The following SMC3 variants were observed in gnomAD, a reference collection of about 807,000 sequenced individuals.
The protein encoded by SMC3 is structural maintenance of chromosomes protein 3.
In SMC3, 20 loss-of-function variants were observed where a neutral mutation model predicts 171.8. The ratio of observed to expected loss-of-function variants is 0.12; its 90% CI spans 0.08 to 0.17. The LOEUF (loss-of-function observed/expected upper bound fraction) is 0.17, where lower values mean the gene tolerates loss of function less well. SMC3 is among the 10% of genes least tolerant of loss of function. SMC3 has a pLI of 1.00. For synonymous variants in SMC3, 464 were observed against 451.1 expected (o/e 1.03, Z -0.36); for missense variants, 543 against 1,420.4 (o/e 0.38, Z 9.93).
intron 13 of SMC3, among the ~76,000 whole-genome samples, chr10:110,585,461 T>G (rs1376816757): frequency 1.3e-5 from 2 of 151,422 alleles, no homozygotes; most frequent in Non-Finnish European, 2.9e-5. Context: ...GCTAATTTTT[T>G]TGTATTTTTA....
At chr10:110,600,840 T>G (rs934957999) in intron 22 of SMC3, among the ~76,000 whole-genome samples, 182 bp from the exon 23 acceptor site, 2 of 152,228 alleles carry the variant, frequency 1.3e-5, no homozygotes, top group African/African-American at 2.4e-5. Context: ...GTTAGATGCT[T>G]AGAAATTTTC....
At chr10:110,582,147 T>C (rs762467375) in intron 9 of SMC3, 49 bp downstream of exon 9, 2 of 1,506,842 alleles carry the variant, frequency 1.3e-6, no homozygotes, top group Non-Finnish European at 1.8e-6. Flanking sequence ...TTTGTTTTTA[T>C]GAATTTGTTA....
chr10:110,575,877 G>A (rs1856802), intron 4 of SMC3, among the ~76,000 whole-genome samples: 147,491 of 152,334 alleles, frequency 0.97, 71,458 homozygotes, highest in South Asian at 0.99. Flanking sequence ...AGAGTTTGAG[G>A]TTGCAGATTA....
At chr10:110,604,131 A>G (rs2134755596) in intron 28 of SMC3, 100 bp from the exon 29 acceptor site, 1 of 659,186 alleles carries the variant, frequency 1.5e-6, no homozygotes, top group South Asian at 1.8e-5. Flanking sequence ...AAAATTAAAA[A>G]ATGTAGTTAA....
At chr10:110,582,432 T>G (rs1374129391) in intron 9 of SMC3, 130 bp from the exon 10 acceptor site, 2 of 729,682 alleles carry the variant, frequency 2.7e-6, no homozygotes, top group African/African-American at 3.6e-5. Flanking sequence ...TAAAATCATT[T>G]TTAAAATTTT....
In SMC3 at chr10:110,589,877, C is replaced by G; in HGVS notation, c.1410-15C>G. The stretch of plus-strand genomic sequence containing the variant: ...TGTGTTTAAAATTAAAGACAGTCTA[C>G]TTTTTATTTATTAGCTACTTGTGGA... On this transcript the variant is annotated splice_polypyrimidine_tract_variant and intron_variant, in intron 14 of 28. Transcript: ENST00000361804. 1 of 1,609,750 alleles carries G rather than the reference C, an allele frequency of 6.2e-7. No homozygotes were observed. Among genetic ancestry groups the G allele is most frequent in the Non-Finnish European group, 8.5e-7 (1 of 1,176,200 alleles).
In SMC3 at chr10:110,598,263, G is replaced by T; in HGVS notation, c.2241G>T (p.Gln747His). 1 of 1,613,936 alleles carries T rather than the reference G, an allele frequency of 6.2e-7. No homozygotes were observed. Among genetic ancestry groups the T allele is most frequent in the Non-Finnish European group, 8.5e-7 (1 of 1,179,902 alleles). ...TGAAGATGCTAAAAGAGAAGAGGCA[G>T]CAGTCAGAGAAAACCTTCATGCCTA... ...SEMKMLKEKR[Q>H]QSEKTFMPKQ... The change falls in exon 20 of 29, where the codon CAG (glutamine) becomes CAT (histidine). Residue 747 changes from glutamine (Q) to histidine (H), a missense_variant. Physicochemically the swap from Gln to His is conservative, Grantham distance 24. Around this residue, in one of 8 missense-constraint regions of SMC3, gnomAD observed 218 missense variants for 509.6 expected, o/e 0.43. Transcript: ENST00000361804.
At chr10:110,599,902 AAAG>A in intron 21 of SMC3, 90 bp downstream of exon 21, 3 of 1,171,352 alleles carry the variant, frequency 2.6e-6, no homozygotes, top group Admixed American at 3.5e-5. Flanking sequence ...ATATGAAAGA[AAAG>A]AACTGAGAAA....
chr10:110,590,958 A>C (rs781091560), intron 16 of SMC3, 33 bp from the exon 17 acceptor site: 1 of 1,605,944 alleles, frequency 6.2e-7, no homozygotes, highest in Non-Finnish European at 8.5e-7. Flanking sequence ...CCTGAGTACC[A>C]ATAAAGATTT....
chr10:110,574,750 A>C (rs1256863099), intron 3 of SMC3, among the ~76,000 whole-genome samples: 1 of 152,178 alleles, frequency 6.6e-6, no homozygotes, highest in African/African-American at 2.4e-5. Flanking sequence ...CAGCTGAGTA[A>C]AGAGTTCCAC....
intron 1 of SMC3, chr10:110,568,603 G>A (rs2134706760): frequency 7.2e-6 from 2 of 278,394 alleles, no homozygotes; most frequent in African/African-American, 2.3e-5. Flanking sequence ...GGGGCCCGTC[G>A]GCCTGCTTTT....
chr10:110,592,974 T>G, intron 17 of SMC3, 99 bp from the exon 18 acceptor site: 1 of 1,022,974 alleles, frequency 9.8e-7, no homozygotes, highest in South Asian at 1.3e-5. Context: ...TATAATGGTG[T>G]TTATGGTTTA....
rs531028633 is a variant in SMC3 at position 110,585,630 on chromosome 10, A to G, written c.1305+1234A>G. 4.0e-5 allele frequency among the ~76,000 whole-genome samples: 6 copies of G among 151,346 alleles called. No homozygotes were observed. The South Asian group carries it at 1.3e-3, about 32-fold the overall frequency. ...AAACTTCATTTTTTGGTATTCCAGC[A>G]TCTTATGTTACATTTAGTTGTCATG... On this transcript the variant is annotated intron_variant, in intron 13 of 28. Transcript: ENST00000361804.
At chr10:110,601,179 T>C (rs963266808) in intron 23 of SMC3, 49 bp downstream of exon 23, 1 of 1,282,484 alleles carries the variant, frequency 7.8e-7, no homozygotes, top group African/African-American at 1.5e-5. Context: ...TTTTATAAAA[T>C]TGTTTACTAC....
At chr10:110,584,125 T>TAACCA (rs1861072458) in intron 12 of SMC3, 58 bp from the exon 13 acceptor site, 1 of 1,541,222 alleles carries the variant, frequency 6.5e-7, no homozygotes, top group Admixed American at 1.7e-5. Context: ...CATTATTGGT[T>TAACCA]GCAATTAAAC....
intron 22 of SMC3, 134 bp from the exon 23 acceptor site, chr10:110,600,888 A>G: frequency 1.5e-6 from 1 of 669,142 alleles, no homozygotes; most frequent in South Asian, 1.9e-5. Context: ...TTTAATGGAT[A>G]CTTCTAAGTA....
At chr10:110,603,145 T>C in intron 27 of SMC3, 39 bp from the exon 28 acceptor site, 1 of 1,554,154 alleles carries the variant, frequency 6.4e-7, no homozygotes, top group Non-Finnish European at 8.9e-7. Flanking sequence ...TCAGATCTGC[T>C]GAAAAGAAAT....
At chr10:110,573,565 C>A in intron 2 of SMC3, 142 bp from the exon 3 acceptor site, 1 of 426,412 alleles carries the variant, frequency 2.3e-6, no homozygotes, top group Non-Finnish European at 3.9e-6. Flanking sequence ...TTATTGGTTT[C>A]TTTTGTTCAC....
At chr10:110,601,605 T>G in intron 23 of SMC3, 32 bp from the exon 24 acceptor site, 1 of 1,602,710 alleles carries the variant, frequency 6.2e-7, no homozygotes, top group Non-Finnish European at 8.5e-7. Context: ...TTTATAGGTA[T>G]TATAGCCTAA....
Sources: gnomAD v4.1 joint callset for allele counts (sites outside exome capture counted in the v4.1 genomes callset) on GRCh38, gnomAD v4.1.1 for gene constraint, gnomAD v4.1.1 regional missense constraint, MANE v1.5 for transcripts, NCBI Gene and HGNC (gene_info 2026-07-23, HGNC 2026-07-21) for gene names.